GABBR2: variants seen among roughly 807,000 people sequenced by gnomAD.
GABBR2 encodes the protein G-protein coupled receptor 51.
A neutral mutation model predicts 105.6 loss-of-function variants in GABBR2; 23 were observed. That is an observed-to-expected ratio of 0.22 (90% CI 0.16 to 0.31). The LOEUF is 0.31. GABBR2 is among the 10% of genes least tolerant of loss of function. The probability of loss-of-function intolerance (pLI) is 1.00; values close to 1 mark genes in which losing one functional copy is unlikely to be tolerated. For missense variants in GABBR2, 734 were observed against 1,245.5 expected, an observed-to-expected ratio of 0.59 and a Z score of 6.18; for synonymous variants, 478 against 499.7, an observed-to-expected ratio of 0.96 and a Z score of 0.58.
chr9:98,358,487 G>A (rs7036388), intron 13 of GABBR2, among the ~76,000 whole-genome samples: 3,976 of 152,250 alleles, frequency 0.026, 159 homozygotes, highest in African/African-American at 0.092. Flanking sequence ...CCAGACTGGC[G>A]TCCCTCCTCG....
At position 98,324,419 on chromosome 9, in the gene GABBR2, T is replaced by C. The variant is rs201618983; in HGVS notation, c.1894-13214A>G. On this transcript the variant is annotated intron_variant, in intron 13 of 18. Coordinates refer to ENST00000259455, the MANE Select transcript of GABBR2 (RefSeq NM_005458.8). ...GAGCCCCGGGTTCTCCTCTGAGAAA[T>C]GCTGGGGTCACCTGCTTTGAGGGCT... 4.6e-5 allele frequency among the ~76,000 whole-genome samples: 7 copies of C among 151,902 alleles called. No homozygotes were observed. The East Asian group carries it at 1.4e-3, about 29-fold the overall frequency.
At chr9:98,649,995 C>CT (rs757891994) in intron 1 of GABBR2, among the ~76,000 whole-genome samples, 4 of 152,168 alleles carry the variant, frequency 2.6e-5, no homozygotes, top group Admixed American at 6.5e-5. Context: ...ACACTGACTT[C>CT]AGTGAGAGCT....
At chr9:98,412,621 C>T (rs1360643847) in intron 7 of GABBR2, among the ~76,000 whole-genome samples, 1 of 152,186 alleles carries the variant, frequency 6.6e-6, no homozygotes, top group Non-Finnish European at 1.5e-5. Context: ...CAGTCCCTTG[C>T]TCCTCTGGGG....
intron 6 of GABBR2, among the ~76,000 whole-genome samples, chr9:98,463,148 C>T (rs370441769): frequency 9.2e-5 from 14 of 152,188 alleles, no homozygotes; most frequent in African/African-American, 3.4e-4. Context: ...GTCAGCCTCC[C>T]CAAGTGCTGG....
At chr9:98,465,137 A>AAAAAAAAAAAAAAAAAAT (rs1826521633) in intron 6 of GABBR2, among the ~76,000 whole-genome samples, 1 of 149,468 alleles carries the variant, frequency 6.7e-6, no homozygotes, top group African/African-American at 2.4e-5. Flanking sequence ...AAAAAAAAAA[A>AAAAAAAAAAAAAAAAAAT]AAAAAAAAAA....
At chr9:98,604,669 C>T (rs1829386218) in intron 1 of GABBR2, among the ~76,000 whole-genome samples, 1 of 152,174 alleles carries the variant, frequency 6.6e-6, no homozygotes, top group African/African-American at 2.4e-5. Context: ...CAATGGTAAT[C>T]ATAAGAATCA....
intron 16 of GABBR2, among the ~76,000 whole-genome samples, chr9:98,300,056 G>T (rs576298102): frequency 2.0e-5 from 3 of 151,468 alleles, no homozygotes; most frequent in African/African-American, 4.9e-5. Context: ...TAGAGATGGG[G>T]TCTCTCTATG....
At chr9:98,401,196 T>C (rs73499082) in intron 8 of GABBR2, among the ~76,000 whole-genome samples, 5,495 of 152,166 alleles carry the variant, frequency 0.036, 351 homozygotes, top group African/African-American at 0.12. Context: ...TCATCTTTTA[T>C]TTATTTACTT....
At chr9:98,378,598 C>G (rs957951856) in intron 11 of GABBR2, among the ~76,000 whole-genome samples, 1 of 152,190 alleles carries the variant, frequency 6.6e-6, no homozygotes, top group Non-Finnish European at 1.5e-5. Flanking sequence ...ATCAGCATCC[C>G]CTGAGAGTGT....
chr9:98,537,436 G>C (rs776500872), intron 3 of GABBR2, among the ~76,000 whole-genome samples: 4 of 152,028 alleles, frequency 2.6e-5, no homozygotes, highest in Non-Finnish European at 5.9e-5. Context: ...GGATTGTGGC[G>C]ATGGTTGCAC....
At position 98,548,991 on chromosome 9, in the gene GABBR2, A is replaced by C. The variant is rs1248181694; in HGVS notation, c.460-6948T>G. 1.6e-5 allele frequency among the ~76,000 whole-genome samples: 2 copies of C among 121,442 alleles called. 1 individual carries two copies. The highest frequency in any genetic ancestry group is 3.7e-5 in the Non-Finnish European group (2 of 54,016). The allele number at this position is 121,442 out of a possible 152,430, so 79.7% of individuals were successfully genotyped here. A position where few individuals can be genotyped will look rare whatever the true frequency, so the allele number is the denominator to read the frequency against. ...TGCTCTATCGCCCAGGCTGGAGTGC[A>C]GTGGTGCAATCTCAGGTCACTGCAA... On this transcript the variant is annotated intron_variant, in intron 2 of 18. Coordinates refer to ENST00000259455, the MANE Select transcript of GABBR2 (RefSeq NM_005458.8).
intron 1 of GABBR2, among the ~76,000 whole-genome samples, chr9:98,694,111 C>A (rs1000086937): frequency 2.0e-5 from 3 of 152,252 alleles, no homozygotes; most frequent in Admixed American, 6.5e-5. Context: ...TGAAAACGCC[C>A]AGCACACAGG....
At chr9:98,504,886 G>A (rs1230763349) in intron 3 of GABBR2, among the ~76,000 whole-genome samples, 2 of 152,212 alleles carry the variant, frequency 1.3e-5, no homozygotes, top group Non-Finnish European at 2.9e-5. Context: ...CACTTTTACT[G>A]GGGCTGGAGC....
rs10985765 is a variant in GABBR2 at position 98,293,840 on chromosome 9, T to G, written c.2605A>C (p.Thr869Pro). 1 of 1,612,308 alleles carries G rather than the reference T, an allele frequency of 6.2e-7. No individual in the cohort carries two copies. The highest frequency in any genetic ancestry group is 8.5e-7 in the Non-Finnish European group (1 of 1,178,572). Residue 869 changes from threonine to proline, a missense_variant, in exon 18 of 19, where the codon ACA (threonine) becomes CCA (proline). Around this residue, in one of 7 missense-constraint regions of GABBR2, gnomAD observed 134 missense variants for 171.2 expected, o/e 0.78. Coordinates refer to ENST00000259455, the MANE Select transcript of GABBR2 (RefSeq NM_005458.8). ...DQNPQLQWNTTEPSRTCKDPI... is the reference protein window; with the variant it reads ...DQNPQLQWNTPEPSRTCKDPI... ...TCTTTGCATGTTCGAGAGGGCTCTGTTGTGTTCCACTGTAGCTGGGGATTT... is the reference window on the plus strand; with the variant it reads ...TCTTTGCATGTTCGAGAGGGCTCTGGTGTGTTCCACTGTAGCTGGGGATTT...
At chr9:98,530,272 C>T (rs1239659420) in intron 3 of GABBR2, among the ~76,000 whole-genome samples, 2 of 152,168 alleles carry the variant, frequency 1.3e-5, no homozygotes, top group South Asian at 2.1e-4. Context: ...GTGAAGAGGT[C>T]CCCTTGAGAC....
intron 15 of GABBR2, among the ~76,000 whole-genome samples, chr9:98,305,194 T>A (rs1364449776): frequency 6.6e-6 from 1 of 152,184 alleles, no homozygotes; most frequent in African/African-American, 2.4e-5. Flanking sequence ...TAGGATGATG[T>A]TCGAAAAATT....
chr9:98,491,148 G>A (rs1019009507), intron 4 of GABBR2, among the ~76,000 whole-genome samples: 12 of 152,072 alleles, frequency 7.9e-5, no homozygotes, highest in South Asian at 4.2e-4. Context: ...ATAATAGTCC[G>A]TGAGCATGTT....
intron 2 of GABBR2, among the ~76,000 whole-genome samples, chr9:98,561,919 C>T (rs1489253048): frequency 6.6e-6 from 1 of 152,080 alleles, no homozygotes; most frequent in Non-Finnish European, 1.5e-5. Context: ...CATTTTGCAA[C>T]ACCAATATGA....
intron 1 of GABBR2, among the ~76,000 whole-genome samples, chr9:98,658,931 T>C (rs1588272131): frequency 6.6e-6 from 1 of 152,174 alleles, no homozygotes; most frequent in Admixed American, 6.6e-5. Flanking sequence ...ATTTAAGACT[T>C]TCCTTCATAA....
Sources: gnomAD v4.1 joint callset for allele counts (sites outside exome capture counted in the v4.1 genomes callset) on GRCh38, gnomAD v4.1.1 for gene constraint, gnomAD v4.1.1 regional missense constraint, MANE v1.5 for transcripts, NCBI Gene and HGNC (gene_info 2026-07-23, HGNC 2026-07-21) for gene names.